Variants in RYR2 observed in about 807,000 individuals in gnomAD.
RYR2 encodes ryanodine receptor 2.
A neutral mutation model predicts 601.1 loss-of-function variants in RYR2; 227 were observed. The observed-to-expected ratio is 0.38, with a 90% CI of 0.34 to 0.42. The LOEUF (loss-of-function observed/expected upper bound fraction) is 0.42, where lower values mean the gene tolerates loss of function less well. RYR2 is among the 10% of genes least tolerant of loss of function. The pLI is 1.00. For synonymous variants in RYR2, 2,223 were observed against 2,175.1 expected, an observed-to-expected ratio of 1.02 and a Z score of -0.61; for missense variants, 4,646 against 6,156.5, an observed-to-expected ratio of 0.75 and a Z score of 8.21.
intron 29 of RYR2, among the ~76,000 whole-genome samples, chr1:237,573,231 TACACACACAC>T (rs10556537): frequency 1.3e-4 from 20 of 148,820 alleles, no homozygotes; most frequent in African/African-American, 2.7e-4. Context: ...GATATACACA[TACACACACAC>T]ACACACACAC....
chr1:237,759,712 T>G, intron 82 of RYR2, 64 bp from the exon 83 acceptor site: 1 of 983,974 alleles, frequency 1.0e-6, no homozygotes, highest in Non-Finnish European at 1.6e-6. Flanking sequence ...TTTTGGTTGT[T>G]TATTTATTTA....
chr1:237,261,255 A>AC (rs948510670), intron 1 of RYR2, among the ~76,000 whole-genome samples: 5 of 152,028 alleles, frequency 3.3e-5, no homozygotes, highest in East Asian at 1.9e-4. Flanking sequence ...GGTTGCAGTG[A>AC]CCCCCCTTGG....
At chr1:237,623,393 T>C (rs1293769984) in intron 38 of RYR2, among the ~76,000 whole-genome samples, 4 of 137,040 alleles carry the variant, frequency 2.9e-5, no homozygotes, top group Admixed American at 1.5e-4. Context: ...CTTTTTTTTT[T>C]TTTTTTTTTT....
At chr1:237,347,473 A>G (rs1368995760) in intron 3 of RYR2, among the ~76,000 whole-genome samples, 1 of 152,230 alleles carries the variant, frequency 6.6e-6, no homozygotes, top group Non-Finnish European at 1.5e-5. Context: ...CTGATGTTTT[A>G]ATGAAAAGTA....
chr1:237,774,161 G>T (rs1300103896), intron 87 of RYR2, among the ~76,000 whole-genome samples: 5 of 151,942 alleles, frequency 3.3e-5, no homozygotes, highest in Admixed American at 2.0e-4. Context: ...ATTTTTTAAA[G>T]ATTTTATAAA....
intron 41 of RYR2, among the ~76,000 whole-genome samples, chr1:237,630,234 A>G (rs1680108239): frequency 6.6e-6 from 1 of 152,194 alleles, no homozygotes; most frequent in African/African-American, 2.4e-5. Context: ...TTAGTAAATG[A>G]CAGCCTGACT....
chr1:237,369,471 C>CG, intron 5 of RYR2, 63 bp from the exon 6 acceptor site: 1 of 1,349,984 alleles, frequency 7.4e-7, no homozygotes, highest in Non-Finnish European at 1.0e-6. Flanking sequence ...ATTTTATCAA[C>CG]TTGGTTAAGT....
At chr1:237,255,683 A>C (rs1184870970) in intron 1 of RYR2, among the ~76,000 whole-genome samples, 1 of 152,200 alleles carries the variant, frequency 6.6e-6, no homozygotes, top group East Asian at 1.9e-4. Context: ...GATGGGATCT[A>C]TCACGATACT....
At chr1:237,559,144 T>C (rs1292460938) in intron 27 of RYR2, among the ~76,000 whole-genome samples, 1 of 151,920 alleles carries the variant, frequency 6.6e-6, no homozygotes, top group African/African-American at 2.4e-5. Context: ...ATAAGAATAC[T>C]GGCAAAAAAT....
At chr1:237,503,250 A>C in intron 21 of RYR2, 39 bp from the exon 22 acceptor site, 1 of 1,529,488 alleles carries the variant, frequency 6.5e-7, no homozygotes, top group Non-Finnish European at 8.9e-7. Context: ...TTTAATGTAC[A>C]CCAGAGATAA....
At chr1:237,372,210 AATG>A (rs1232169713) in intron 6 of RYR2, among the ~76,000 whole-genome samples, 2 of 152,244 alleles carry the variant, frequency 1.3e-5, no homozygotes, top group African/African-American at 4.8e-5. Flanking sequence ...ACGTGATTTT[AATG>A]ATGATTTAAT....
intron 1 of RYR2, among the ~76,000 whole-genome samples, chr1:237,114,754 C>T (rs961436618): frequency 6.6e-6 from 1 of 152,190 alleles, no homozygotes; most frequent in East Asian, 1.9e-4. Context: ...CCCAGCCCTA[C>T]CACCTTTTAA....
chr1:237,631,640 T>G (rs1233968033), intron 42 of RYR2, 99 bp downstream of exon 42: 1 of 531,570 alleles, frequency 1.9e-6, no homozygotes, highest in African/African-American at 3.4e-5. Flanking sequence ...TTTTTTTTTT[T>G]TTTTTGGAGA....
chr1:237,211,733 C>A (rs559724632), intron 1 of RYR2, among the ~76,000 whole-genome samples: 131 of 152,290 alleles, frequency 8.6e-4, no homozygotes, highest in African/African-American at 3.1e-3. Flanking sequence ...CACTTGATTT[C>A]CCTGAATGCC....
At chr1:237,671,378 A>G (rs190501912) in intron 58 of RYR2, among the ~76,000 whole-genome samples, 5 of 152,230 alleles carry the variant, frequency 3.3e-5, no homozygotes, top group East Asian at 1.9e-4. Flanking sequence ...ACTCAGAGAC[A>G]TTAATAGTGG....
intron 100 of RYR2, among the ~76,000 whole-genome samples, chr1:237,811,636 T>C (rs1262266551): frequency 6.6e-6 from 1 of 152,182 alleles, no homozygotes; most frequent in Non-Finnish European, 1.5e-5. Context: ...TTCACTTTTC[T>C]TAGGTCAAGA....
chr1:237,202,561 C>T (rs1397335885), intron 1 of RYR2, among the ~76,000 whole-genome samples: 1 of 152,166 alleles, frequency 6.6e-6, no homozygotes, highest in Non-Finnish European at 1.5e-5. Flanking sequence ...GCATGCATCA[C>T]TGCACCCAGC....
At chr1:237,118,576 G>A (rs1670399677) in intron 1 of RYR2, among the ~76,000 whole-genome samples, 1 of 151,934 alleles carries the variant, frequency 6.6e-6, no homozygotes. Context: ...AGGGAAAATA[G>A]GGAGTTATTG....
At chr1:237,400,905 A>G (rs1432647639) in intron 10 of RYR2, among the ~76,000 whole-genome samples, 1 of 152,214 alleles carries the variant, frequency 6.6e-6, no homozygotes, top group Non-Finnish European at 1.5e-5. Flanking sequence ...CACAACTGTT[A>G]GAAGAATCAT....
Sources: gnomAD v4.1 joint callset for allele counts (sites outside exome capture counted in the v4.1 genomes callset) on GRCh38, gnomAD v4.1.1 for gene constraint, MANE v1.5 for transcripts, NCBI Gene and HGNC (gene_info 2026-07-23, HGNC 2026-07-21) for gene names.